PALLD: variants seen among roughly 807,000 people sequenced by gnomAD.
PALLD encodes palladin, cytoskeletal associated protein, also known as palladin.
PALLD carries 61 observed loss-of-function variants against 123.5 expected under a neutral mutation model. The observed-to-expected ratio is 0.49, with a 90% CI of 0.40 to 0.61. The LOEUF (loss-of-function observed/expected upper bound fraction) is 0.61. Ranked by LOEUF, PALLD falls within the 20% of genes least tolerant of loss-of-function variation. The pLI is 0.00. For missense variants in PALLD, 1,273 were observed against 1,377.0 expected, an observed-to-expected ratio of 0.92 and a Z score of 1.20; for synonymous variants, 465 against 496.4, an observed-to-expected ratio of 0.94 and a Z score of 0.84.
chr4:168,782,999 C>T (rs1736142778), intron 10 of PALLD, among the ~76,000 whole-genome samples: 2 of 151,556 alleles, frequency 1.3e-5, no homozygotes, highest in African/African-American at 2.4e-5. Context: ...TTTGCCAACC[C>T]CTAGTCTAAA....
At chr4:168,799,241 A>G (rs901787669) in intron 10 of PALLD, among the ~76,000 whole-genome samples, 4 of 152,190 alleles carry the variant, frequency 2.6e-5, no homozygotes, top group Admixed American at 6.5e-5. Flanking sequence ...TAGGCTGTCA[A>G]TCTTGTTTAC....
At chr4:168,891,108 T>G (rs764511112) in intron 11 of PALLD, 51 bp downstream of exon 11, 1 of 1,563,264 alleles carries the variant, frequency 6.4e-7, no homozygotes, top group South Asian at 1.1e-5. Flanking sequence ...CCCACATACC[T>G]TTCTTCCTTT....
At chr4:168,547,566 CAAAAAAAA>C (rs11339394) in intron 2 of PALLD, among the ~76,000 whole-genome samples, 1 of 70,930 alleles carries the variant, frequency 1.4e-5, no homozygotes, top group South Asian at 5.6e-4. Context: ...TAATAAAATA[CAAAAAAAA>C]AAAAAAAAAA....
Position 168,709,872 on chromosome 4 carries a change from C to T in PALLD, c.1621+725C>T, listed in dbSNP as rs1006894391. ...AATCGTGCAGTCTTGGTCTTGGAAA[C>T]GATGGAGCTGGTTTCCTAACATCCT... On this transcript the variant is annotated intron_variant, in intron 9 of 21. Coordinates refer to ENST00000505667, the MANE Select transcript of PALLD (RefSeq NM_001166108.2). 6.6e-5 allele frequency among the ~76,000 whole-genome samples: 10 copies of T among 152,098 alleles called. No homozygotes were observed. In the East Asian group the frequency reaches 1.4e-3, roughly 21 times the overall value.
intron 10 of PALLD, among the ~76,000 whole-genome samples, chr4:168,755,182 G>A (rs1485775754): frequency 6.7e-6 from 1 of 149,030 alleles, no homozygotes; most frequent in Admixed American, 6.7e-5. Context: ...GCGGTGAGCC[G>A]AGATTGCACC....
intron 10 of PALLD, among the ~76,000 whole-genome samples, chr4:168,851,009 A>C (rs917938976): frequency 6.6e-6 from 1 of 152,170 alleles, no homozygotes; most frequent in African/African-American, 2.4e-5. Flanking sequence ...CCCAAGTGTG[A>C]CTGAGAGGCC....
intron 2 of PALLD, among the ~76,000 whole-genome samples, chr4:168,546,902 A>G (rs1212230983): frequency 6.6e-6 from 1 of 152,170 alleles, no homozygotes; most frequent in Non-Finnish European, 1.5e-5. Context: ...TCATAGCCAC[A>G]GATTTTTTTA....
At chr4:168,588,982 T>G (rs1394477849) in intron 2 of PALLD, among the ~76,000 whole-genome samples, 1 of 152,220 alleles carries the variant, frequency 6.6e-6, no homozygotes, top group Non-Finnish European at 1.5e-5. Context: ...CAGTGAGTTT[T>G]TATGTTTGGG....
intron 10 of PALLD, among the ~76,000 whole-genome samples, chr4:168,793,445 CTAGT>C (rs1737938588): frequency 6.6e-6 from 1 of 151,668 alleles, no homozygotes; most frequent in Non-Finnish European, 1.5e-5. Flanking sequence ...TACCTGAATA[CTAGT>C]TAAATTACTT....
intron 10 of PALLD, among the ~76,000 whole-genome samples, chr4:168,794,054 A>G (rs1460359325): frequency 6.6e-6 from 1 of 152,132 alleles, no homozygotes; most frequent in Admixed American, 6.5e-5. Flanking sequence ...CTCTAGGTGC[A>G]GTGGCACGGC....
At position 168,928,228 on chromosome 4, in the gene PALLD, G is replaced by GTCTT. The variant is rs1361486051; in HGVS notation, c.*2049_*2052dup. 5.4e-6 allele frequency: 1 copy of GTCTT among 185,246 alleles called. No individual in the cohort carries two copies. The highest frequency in any genetic ancestry group is 2.3e-5 in the African/African-American group (1 of 42,556). 11.5% of individuals were successfully genotyped at this position (185,246 alleles called of 1,614,324 possible). ...TCTCTATTGTAGAATTATGACTTAT[G>GTCTT]TCTTACTTGCCAAATTTTTCTGAAT... On this transcript the variant is annotated 3_prime_UTR_variant, in exon 22 of 22. Transcript: ENST00000505667.
chr4:168,502,987 G>T (rs1761581695), intron 1 of PALLD, among the ~76,000 whole-genome samples: 2 of 152,200 alleles, frequency 1.3e-5, no homozygotes, highest in Non-Finnish European at 2.9e-5. Context: ...AAGCAAATCA[G>T]TCATCAGAAC....
chr4:168,769,066 G>A (rs1734061732), intron 10 of PALLD, among the ~76,000 whole-genome samples: 1 of 152,120 alleles, frequency 6.6e-6, no homozygotes, highest in Non-Finnish European at 1.5e-5. Flanking sequence ...CTCGTGATCC[G>A]CCCCCGTCGG....
intron 10 of PALLD, among the ~76,000 whole-genome samples, chr4:168,759,206 T>A (rs1269192968): frequency 0.24 from 3,854 of 16,176 alleles, 1,175 homozygotes; most frequent in Middle Eastern, 0.28. Flanking sequence ...AAAAAAAATA[T>A]ATATATATAT....
At chr4:168,871,728 G>A (rs112105482) in intron 10 of PALLD, among the ~76,000 whole-genome samples, 148 of 152,214 alleles carry the variant, frequency 9.7e-4, no homozygotes, top group African/African-American at 3.4e-3. Flanking sequence ...AGCTGACTTC[G>A]GATTCCTCCC....
chr4:168,903,010 C>G (rs541054228), intron 14 of PALLD, among the ~76,000 whole-genome samples: 2 of 152,166 alleles, frequency 1.3e-5, no homozygotes, highest in Non-Finnish European at 2.9e-5. Context: ...CAATCCTCCT[C>G]AGCCTCCCAA....
At chr4:168,761,457 G>A (rs1295995929) in intron 10 of PALLD, among the ~76,000 whole-genome samples, 3 of 151,896 alleles carry the variant, frequency 2.0e-5, no homozygotes, top group Non-Finnish European at 4.4e-5. Flanking sequence ...TAGCTAGAAA[G>A]TGGCTTTGGG....
At chr4:168,622,792 C>T (rs1350309420) in intron 2 of PALLD, among the ~76,000 whole-genome samples, 2 of 152,240 alleles carry the variant, frequency 1.3e-5, no homozygotes, top group Non-Finnish European at 2.9e-5. Context: ...CCCAGACACT[C>T]TGAGATGTCC....
chr4:168,695,102 A>G (rs1460069490), intron 8 of PALLD, among the ~76,000 whole-genome samples: 2 of 152,224 alleles, frequency 1.3e-5, no homozygotes, highest in Non-Finnish European at 2.9e-5. Context: ...GTGGAATTAT[A>G]CATATAAAAG....
Sources: gnomAD v4.1 joint callset for allele counts (sites outside exome capture counted in the v4.1 genomes callset) on GRCh38, gnomAD v4.1.1 for gene constraint, MANE v1.5 for transcripts, NCBI Gene and HGNC (gene_info 2026-07-23, HGNC 2026-07-21) for gene names.